Variants in ANKRD44 observed in about 807,000 individuals in gnomAD.
ANKRD44 encodes the protein serine/threonine-protein phosphatase 6 regulatory ankyrin repeat subunit B.
A neutral mutation model predicts 116.0 loss-of-function variants in ANKRD44; 35 were observed. The ratio of observed to expected loss-of-function variants is 0.30; its 90% CI spans 0.23 to 0.40. ANKRD44 has a LOEUF of 0.40. Among genes scored for constraint, ANKRD44 ranks in the 10% least tolerant of loss-of-function variants. The probability of loss-of-function intolerance (pLI) is 1.00; values close to 1 mark genes in which losing one functional copy is unlikely to be tolerated. For missense variants in ANKRD44, 1,014 were observed against 1,242.6 expected, an observed-to-expected ratio of 0.82 and a Z score of 2.77; for synonymous variants, 435 against 461.8, an observed-to-expected ratio of 0.94 and a Z score of 0.74.
Position 197,088,787 on chromosome 2 carries a change from C to T in ANKRD44, c.1184-13G>A, listed in dbSNP as rs1395019954. The stretch of plus-strand genomic sequence containing the variant: ...TCTATTTCAAAGCCTGCAGACAGCA[C>T]GTGCTCATTACTAAACAAGGATACT... On this transcript the variant is annotated splice_polypyrimidine_tract_variant and intron_variant, in intron 11 of 27. Coordinates refer to ENST00000282272, the MANE Select transcript of ANKRD44 (RefSeq NM_001195144.2). 3 of 1,612,666 alleles carry T rather than the reference C, an allele frequency of 1.9e-6. No individual in the cohort carries two copies. Among genetic ancestry groups the T allele is most frequent in the Non-Finnish European group, 2.5e-6 (3 of 1,179,138 alleles).
intron 1 of ANKRD44, among the ~76,000 whole-genome samples, chr2:197,251,819 TC>T (rs1188229744): frequency 6.6e-6 from 1 of 152,222 alleles, no homozygotes; most frequent in African/African-American, 2.4e-5. Context: ...TTCCTCAACC[TC>T]CTAAATTTCA....
intron 1 of ANKRD44, among the ~76,000 whole-genome samples, chr2:197,244,839 T>C (rs2082156982): frequency 6.6e-6 from 1 of 152,208 alleles, no homozygotes; most frequent in South Asian, 2.1e-4. Flanking sequence ...AGTAAAAGCA[T>C]GTGTATAAGT....
chr2:197,234,074 A>C (rs2125774250), intron 1 of ANKRD44, among the ~76,000 whole-genome samples: 1 of 152,376 alleles, frequency 6.6e-6, no homozygotes, highest in East Asian at 1.9e-4. Context: ...AAAATTATAC[A>C]GAGTAAACCA....
intron 2 of ANKRD44, among the ~76,000 whole-genome samples, chr2:197,169,268 AC>A (rs1423418161): frequency 1.3e-5 from 2 of 151,984 alleles, no homozygotes; most frequent in Non-Finnish European, 2.9e-5. Flanking sequence ...CTTAAATGTC[AC>A]TGCCACCTCA....
chr2:196,971,381 G>A (rs757726871), intron 21 of ANKRD44, among the ~76,000 whole-genome samples: 1 of 151,854 alleles, frequency 6.6e-6, no homozygotes, highest in African/African-American at 2.4e-5. Context: ...TGTTTGAGAC[G>A]AGTCTCAGTC....
intron 2 of ANKRD44, among the ~76,000 whole-genome samples, chr2:197,186,622 T>TTTTTTTTC (rs2080675270): frequency 1.2e-5 from 1 of 83,710 alleles, no homozygotes; most frequent in African/African-American, 1.4e-4. Context: ...CTTTTTTTTT[T>TTTTTTTTC]TTTTTTTTTT....
intron 16 of ANKRD44, among the ~76,000 whole-genome samples, chr2:197,042,078 AT>A (rs770445336): frequency 1.3e-5 from 2 of 152,168 alleles, no homozygotes; most frequent in African/African-American, 2.4e-5. Context: ...AAATCATAAT[AT>A]AACTTTATCT....
chr2:196,999,500 T>C (rs1275343959), intron 23 of ANKRD44, among the ~76,000 whole-genome samples: 1 of 152,124 alleles, frequency 6.6e-6, no homozygotes, highest in African/African-American at 2.4e-5. Context: ...TATCAACCCT[T>C]TAACCAAGAA....
At chr2:197,140,012 T>C (rs914586026) in intron 3 of ANKRD44, among the ~76,000 whole-genome samples, 1 of 151,982 alleles carries the variant, frequency 6.6e-6, no homozygotes. Flanking sequence ...CCCAAGTAGC[T>C]GGGATTACAG....
chr2:197,219,315 A>G lies in ANKRD44; in HGVS notation c.28-32209T>C, dbSNP rs554723088. Among the ~76,000 whole-genome samples, 6 of 151,938 alleles carry G rather than the reference A, an allele frequency of 3.9e-5. No individual in the cohort carries two copies. In the East Asian group the frequency reaches 1.2e-3, roughly 30 times the overall value. On this transcript the variant is annotated intron_variant, in intron 1 of 27. Coordinates refer to ENST00000282272, the MANE Select transcript of ANKRD44 (RefSeq NM_001195144.2). Reference sequence around the variant, plus strand: ...GATCTCCTGACCTCGTGATCTGCCCACCTCAGCCTCCTAAAGTGCTGGGAT... The same window carrying G: ...GATCTCCTGACCTCGTGATCTGCCCGCCTCAGCCTCCTAAAGTGCTGGGAT...
chr2:197,257,964 C>T (rs74593896), intron 1 of ANKRD44, among the ~76,000 whole-genome samples: 3,102 of 152,190 alleles, frequency 0.02, 93 homozygotes, highest in African/African-American at 0.069. Flanking sequence ...CTCTAGGTAC[C>T]TTATATAAAT....
At chr2:197,133,578 T>A (rs1352613715) in intron 4 of ANKRD44, among the ~76,000 whole-genome samples, 1 of 152,214 alleles carries the variant, frequency 6.6e-6, no homozygotes. Context: ...AACTTTTCAA[T>A]GAAGAAATGG....
At chr2:197,191,713 T>C (rs901264764) in intron 1 of ANKRD44, among the ~76,000 whole-genome samples, 1 of 152,058 alleles carries the variant, frequency 6.6e-6, no homozygotes, top group Admixed American at 6.5e-5. Context: ...GTAAGGTAAT[T>C]GAAAAATCCA....
chr2:197,024,165 C>A (rs2076547612), intron 17 of ANKRD44, among the ~76,000 whole-genome samples: 1 of 152,230 alleles, frequency 6.6e-6, no homozygotes. Context: ...ACACTCCTCT[C>A]TTCTCTCCAA....
At chr2:197,221,674 C>G (rs2081588899) in intron 1 of ANKRD44, among the ~76,000 whole-genome samples, 1 of 152,210 alleles carries the variant, frequency 6.6e-6, no homozygotes, top group Non-Finnish European at 1.5e-5. Context: ...CTTCACCACC[C>G]TCGGCCATCT....
chr2:197,286,018 ATAAAG>A (rs1340805089), intron 1 of ANKRD44, among the ~76,000 whole-genome samples: 3 of 152,226 alleles, frequency 2.0e-5, no homozygotes, highest in Non-Finnish European at 4.4e-5. Flanking sequence ...CACCCAATTT[ATAAAG>A]TAAAGAGACA....
chr2:197,012,065 T>A (rs2076310737), intron 18 of ANKRD44, among the ~76,000 whole-genome samples: 1 of 152,206 alleles, frequency 6.6e-6, no homozygotes, highest in East Asian at 1.9e-4. Context: ...GATTTGAAAC[T>A]CAAAATATTG....
intron 12 of ANKRD44, 36 bp from the exon 13 acceptor site, chr2:197,086,784 A>G (rs778176911): frequency 6.3e-7 from 1 of 1,597,484 alleles, no homozygotes; most frequent in Non-Finnish European, 8.6e-7. Flanking sequence ...AAGATGGAAG[A>G]GATCAATTAC....
chr2:197,284,879 C>T (rs2083366026), intron 1 of ANKRD44, among the ~76,000 whole-genome samples: 1 of 128,060 alleles, frequency 7.8e-6, no homozygotes, highest in Non-Finnish European at 1.7e-5. Flanking sequence ...GAGCAAGACT[C>T]CATCTCAAAA....
Sources: allele counts gnomAD v4.1 joint callset (sites outside exome capture counted in the v4.1 genomes callset), GRCh38; gene constraint gnomAD v4.1.1; transcripts MANE v1.5; gene names NCBI Gene and HGNC (gene_info 2026-07-23, HGNC 2026-07-21).